The following SLC35D4 variants were observed in gnomAD, a reference collection of about 807,000 sequenced individuals.
The protein encoded by SLC35D4 is solute carrier family 35 member D4.
the SLC35D4 span, among the ~76,000 whole-genome samples, chr18:23,369,519 G>A: frequency 7.0e-4 from 106 of 152,304 alleles, no homozygotes; most frequent in African/African-American, 2.4e-3. Context: ...AGTCAAATTA[G>A]GACGGGGCTG....
chr18:23,257,015 G>C, the SLC35D4 span: 5 of 572,672 alleles, frequency 8.7e-6, no homozygotes, highest in Non-Finnish European at 3.0e-6. Flanking sequence ...GTGTGGTTCC[G>C]GGCAGCCCCT....
the SLC35D4 span, among the ~76,000 whole-genome samples, chr18:23,340,685 T>C: frequency 1.3e-5 from 2 of 152,236 alleles, no homozygotes. Context: ...TGCCTGTCAT[T>C]GTCTTCGGGA....
At chr18:23,412,881 C>T in the SLC35D4 span, among the ~76,000 whole-genome samples, 1 of 152,228 alleles carries the variant, frequency 6.6e-6, no homozygotes, top group Non-Finnish European at 1.5e-5. Flanking sequence ...CATATTTACT[C>T]CTGGCACATC....
the SLC35D4 span, among the ~76,000 whole-genome samples, chr18:23,337,867 C>G: frequency 0.01 from 1,578 of 152,300 alleles, 26 homozygotes; most frequent in African/African-American, 0.036. Flanking sequence ...GAAGTTGAAA[C>G]TCAGAAAAAT....
the SLC35D4 span, chr18:23,258,376 T>C: frequency 1.3e-5 from 2 of 152,322 alleles, no homozygotes; most frequent in Non-Finnish European, 2.9e-5. Flanking sequence ...GCATGATTGG[T>C]GTTTGAGGCG....
the SLC35D4 span, among the ~76,000 whole-genome samples, chr18:23,269,699 C>T: frequency 4.6e-5 from 7 of 152,106 alleles, no homozygotes; most frequent in East Asian, 1.3e-3. Context: ...GTGATATGGA[C>T]AATAAAGTCC....
the SLC35D4 span, among the ~76,000 whole-genome samples, chr18:23,332,190 T>G: frequency 9.5e-4 from 145 of 152,184 alleles, no homozygotes; most frequent in African/African-American, 3.4e-3. Flanking sequence ...CCACCACACT[T>G]GGCCTTGAAC....
chr18:23,391,910 T>G, the SLC35D4 span, among the ~76,000 whole-genome samples: 1 of 152,152 alleles, frequency 6.6e-6, no homozygotes, highest in Non-Finnish European at 1.5e-5. Context: ...CATCATCTGT[T>G]ACCTTTTACT....
the SLC35D4 span, among the ~76,000 whole-genome samples, chr18:23,308,706 T>C: frequency 6.6e-6 from 1 of 152,194 alleles, no homozygotes; most frequent in Non-Finnish European, 1.5e-5. Context: ...CACTTCCTTC[T>C]GGTCTCTGCT....
At chr18:23,333,392 G>C in the SLC35D4 span, among the ~76,000 whole-genome samples, 46 of 152,174 alleles carry the variant, frequency 3.0e-4, no homozygotes, top group Non-Finnish European at 5.0e-4. Context: ...CTCCTATTCT[G>C]ATTTATGGAG....
chr18:23,390,125 T>C, the SLC35D4 span, among the ~76,000 whole-genome samples: 2 of 152,164 alleles, frequency 1.3e-5, no homozygotes, highest in Non-Finnish European at 2.9e-5. Flanking sequence ...AATAACCCTA[T>C]GAGATAGATA....
chr18:23,435,411 C>A, the SLC35D4 span, among the ~76,000 whole-genome samples: 1 of 151,932 alleles, frequency 6.6e-6, no homozygotes, highest in Admixed American at 6.6e-5. Context: ...CCATCAGGTT[C>A]GCTAGACAAA....
the SLC35D4 span, among the ~76,000 whole-genome samples, chr18:23,405,244 A>G: frequency 2.6e-5 from 4 of 151,976 alleles, no homozygotes; most frequent in Non-Finnish European, 4.4e-5. Flanking sequence ...CTGGAGTGCA[A>G]TGGCACAATC....
chr18:23,348,341 T>G, the SLC35D4 span, among the ~76,000 whole-genome samples: 1 of 152,234 alleles, frequency 6.6e-6, no homozygotes, highest in African/African-American at 2.4e-5. Context: ...ATGTCAGTTA[T>G]GTCAATTGGT....
the SLC35D4 span, among the ~76,000 whole-genome samples, chr18:23,251,497 C>G: frequency 1.3e-5 from 2 of 151,914 alleles, no homozygotes; most frequent in South Asian, 2.1e-4. Context: ...CAAAAAAGAC[C>G]CAGCCTTGGC....
the SLC35D4 span, among the ~76,000 whole-genome samples, chr18:23,344,931 A>C: frequency 6.6e-6 from 1 of 151,954 alleles, no homozygotes; most frequent in Non-Finnish European, 1.5e-5. Flanking sequence ...GTGTTTTTTG[A>C]ATTGTAAAAG....
At chr18:23,324,142 A>G in the SLC35D4 span, among the ~76,000 whole-genome samples, 1 of 151,914 alleles carries the variant, frequency 6.6e-6, no homozygotes, top group East Asian at 1.9e-4. Context: ...AAGAGACCAG[A>G]GTTTGCTCTC....
chr18:23,260,748 C>T, the SLC35D4 span, among the ~76,000 whole-genome samples: 2 of 152,118 alleles, frequency 1.3e-5, no homozygotes, highest in Non-Finnish European at 2.9e-5. Flanking sequence ...GTCACCTCCC[C>T]GGGGCTGTTG....
the SLC35D4 span, among the ~76,000 whole-genome samples, chr18:23,276,930 G>C: frequency 6.6e-6 from 1 of 152,226 alleles, no homozygotes; most frequent in Non-Finnish European, 1.5e-5. Flanking sequence ...GTCCTGCTCT[G>C]CTCCTCTTAC....
Sources: allele counts gnomAD v4.1 joint callset (sites outside exome capture counted in the v4.1 genomes callset), GRCh38; gene constraint gnomAD v4.1.1; transcripts MANE v1.5; gene names NCBI Gene and HGNC (gene_info 2026-07-23, HGNC 2026-07-21).